The following CES5A variants were observed in gnomAD, a reference collection of about 807,000 sequenced individuals.
The protein encoded by CES5A is carboxylesterase 5.
CES5A carries 67 observed loss-of-function variants against 62.9 expected under a neutral mutation model. The observed-to-expected ratio is 1.07, with a 90% CI of 0.88 to 1.31. The LOEUF is 1.31. Ranked by LOEUF, CES5A falls within the 50% of genes most tolerant of loss-of-function variation. The probability of loss-of-function intolerance (pLI) is 0.00; values close to 1 mark genes in which losing one functional copy is unlikely to be tolerated. For synonymous variants in CES5A, 296 were observed against 280.8 expected, an observed-to-expected ratio of 1.05 and a Z score of -0.54; for missense variants, 748 against 708.5, an observed-to-expected ratio of 1.06 and a Z score of -0.63.
intron 8 of CES5A, among the ~76,000 whole-genome samples, chr16:55,859,037 T>C (rs2033300495): frequency 6.6e-6 from 1 of 152,222 alleles, no homozygotes; most frequent in African/African-American, 2.4e-5. Flanking sequence ...AGAAAGCTCA[T>C]ATGCTCAGTT....
At position 55,846,563 on chromosome 16, in the gene CES5A, C is replaced by CA; in HGVS notation, c.1615dup (p.Trp539LeufsTer53). 1 of 1,614,108 alleles carries CA rather than the reference C, an allele frequency of 6.2e-7. No homozygotes were observed. Among genetic ancestry groups the CA allele is most frequent in the Non-Finnish European group, 8.5e-7 (1 of 1,180,008 alleles). On this transcript the variant is annotated frameshift_variant, in exon 13 of 13. Transcript: ENST00000290567. LOFTEE classifies it low-confidence loss of function (END_TRUNC). ...CAGGATCAGGGGGATGGTGCTGGTC[C>CA]AAAAATCCACCCGCGGTTCTTTGAG...
At chr16:55,949,636 C>T (rs1418480799) in intron 2 of CES5A, 2 of 393,760 alleles carry the variant, frequency 5.1e-6, no homozygotes, top group Non-Finnish European at 4.5e-6. Context: ...AGAGGTGAGG[C>T]AGGATAAGAA....
intron 1 of CES5A, among the ~76,000 whole-genome samples, chr16:55,888,449 A>T (rs1471673518): frequency 1.3e-5 from 2 of 152,194 alleles, no homozygotes; most frequent in African/African-American, 4.8e-5. Flanking sequence ...TCTAGTAGAT[A>T]TTCTGTTAAT....
At chr16:55,910,257 C>A (rs1191221697) in intron 1 of CES5A, among the ~76,000 whole-genome samples, 2 of 152,188 alleles carry the variant, frequency 1.3e-5, no homozygotes, top group African/African-American at 4.8e-5. Context: ...TGGCCTGAGT[C>A]CACTCTGCCA....
At chr16:55,954,857 T>C (rs556644942) in intron 1 of CES5A, among the ~76,000 whole-genome samples, 90 of 152,284 alleles carry the variant, frequency 5.9e-4, no homozygotes, top group African/African-American at 1.8e-3. Flanking sequence ...CAGACACCCC[T>C]GAGATAAATA....
At chr16:55,881,382 G>T in intron 1 of CES5A, among the ~76,000 whole-genome samples, 1 of 152,204 alleles carries the variant, frequency 6.6e-6, no homozygotes, top group East Asian at 1.9e-4. Flanking sequence ...AGAAAAACAT[G>T]CATGGAGGTT....
chr16:55,948,554 G>A (rs116420599), intron 2 of CES5A, among the ~76,000 whole-genome samples: 1,791 of 152,180 alleles, frequency 0.012, 37 homozygotes, highest in African/African-American at 0.041. Context: ...GAGGCCCCCT[G>A]GGGAAATTTG....
intron 1 of CES5A, among the ~76,000 whole-genome samples, chr16:55,914,763 G>A (rs1361632390): frequency 6.6e-6 from 1 of 152,176 alleles, no homozygotes; most frequent in African/African-American, 2.4e-5. Flanking sequence ...TTAGAATGTG[G>A]GATCCTGGCC....
chr16:55,923,628 A>T (rs1314903963), intron 1 of CES5A, among the ~76,000 whole-genome samples: 1 of 151,924 alleles, frequency 6.6e-6, no homozygotes, highest in Non-Finnish European at 1.5e-5. Context: ...CTCTTCAAAA[A>T]AATTGAAGAG....
chr16:55,883,742 C>T lies in CES5A; in HGVS notation c.-255-9705G>A, dbSNP rs551791446. Among the ~76,000 whole-genome samples the T allele has an allele frequency of 2.0e-4, 30 of 152,308 alleles. No individual in the cohort carries two copies. In the South Asian group the frequency reaches 6.2e-3, roughly 32 times the overall value. On this transcript the variant is annotated intron_variant, in intron 1 of 12. Transcript: ENST00000518005. ...CGCTTCCCCAATGTGATAGCTCTTA[C>T]CTCACAGACCATGGATTCCTTATTC...
At chr16:55,908,839 C>T (rs2034064955) in intron 1 of CES5A, among the ~76,000 whole-genome samples, 1 of 152,212 alleles carries the variant, frequency 6.6e-6, no homozygotes, top group African/African-American at 2.4e-5. Context: ...GGAGGCCTCT[C>T]TACTTTTCCA....
chr16:55,863,645 C>T (rs1671943489), intron 5 of CES5A, among the ~76,000 whole-genome samples, 193 bp from the exon 6 acceptor site: 1 of 152,182 alleles, frequency 6.6e-6, no homozygotes, highest in Non-Finnish European at 1.5e-5. Context: ...CTCTGAGCCC[C>T]TGGTTCTTCA....
chr16:55,902,697 A>G (rs2142443122), intron 1 of CES5A, among the ~76,000 whole-genome samples: 1 of 152,358 alleles, frequency 6.6e-6, no homozygotes, highest in Admixed American at 6.5e-5. Flanking sequence ...AGAAGACACA[A>G]AAGTGCAGTC....
Position 55,862,299 on chromosome 16 carries a change from T to C in CES5A, c.811-783A>G, listed in dbSNP as rs117443323. On this transcript the variant is annotated intron_variant, in intron 6 of 12. Transcript: ENST00000290567. ...GGATACTCTGAGAATCCAGTCAAAGTTACAGACCCTCTCCCTGGGAAAACG... is the reference window on the plus strand; with the variant it reads ...GGATACTCTGAGAATCCAGTCAAAGCTACAGACCCTCTCCCTGGGAAAACG... Among the ~76,000 whole-genome samples, 8 of 152,296 alleles carry C rather than the reference T, an allele frequency of 5.3e-5. No individual in the cohort carries two copies. In the East Asian group the frequency reaches 1.5e-3, roughly 29 times the overall value.
chr16:55,912,610 A>G (rs749781916), intron 1 of CES5A, among the ~76,000 whole-genome samples: 92 of 151,896 alleles, frequency 6.1e-4, no homozygotes, highest in Non-Finnish European at 2.9e-4. Flanking sequence ...GAGGAGGAGG[A>G]AGAGGAGGAA....
intron 1 of CES5A, among the ~76,000 whole-genome samples, chr16:55,915,451 A>G (rs1238695706): frequency 6.6e-6 from 1 of 152,056 alleles, no homozygotes; most frequent in Non-Finnish European, 1.5e-5. Context: ...GGGGAGGACA[A>G]GGGAGATAAC....
chr16:55,852,208 T>C (rs1374984595), intron 10 of CES5A, among the ~76,000 whole-genome samples: 30 of 152,246 alleles, frequency 2.0e-4, no homozygotes, highest in African/African-American at 7.0e-4. Context: ...AAATTTTTTA[T>C]TAAGCATATT....
At chr16:55,846,910 G>C in intron 11 of CES5A, 70 bp from the exon 12 acceptor site, 3 of 1,298,496 alleles carry the variant, frequency 2.3e-6, no homozygotes, top group Non-Finnish European at 3.3e-6. Context: ...CCTTGTATTT[G>C]ATTAATCCTT....
chr16:55,908,338 TTTG>T (rs34269071), intron 1 of CES5A, among the ~76,000 whole-genome samples: 2 of 143,418 alleles, frequency 1.4e-5, no homozygotes, highest in East Asian at 4.1e-4. Context: ...TCTTCTCAGT[TTTG>T]TTGTTGTTTG....
Sources: allele counts gnomAD v4.1 joint callset (sites outside exome capture counted in the v4.1 genomes callset), GRCh38; gene constraint gnomAD v4.1.1; transcripts MANE v1.5; gene names NCBI Gene and HGNC (gene_info 2026-07-23, HGNC 2026-07-21).